The following MANBA variants were observed in gnomAD, a reference collection of about 807,000 sequenced individuals.
MANBA encodes beta-mannosidase.
MANBA carries 83 observed loss-of-function variants against 111.1 expected under a neutral mutation model. The ratio of observed to expected loss-of-function variants is 0.75; its 90% confidence interval spans 0.63 to 0.90. The LOEUF (loss-of-function observed/expected upper bound fraction) is 0.90, where lower values mean the gene tolerates loss of function less well. MANBA is among the 40% of genes least tolerant of loss of function. The probability of loss-of-function intolerance (pLI) is 0.00; values close to 1 mark genes in which losing one functional copy is unlikely to be tolerated. For synonymous variants in MANBA, 370 were observed against 378.7 expected (o/e 0.98, Z 0.27); for missense variants, 1,036 against 1,069.0 (o/e 0.97, Z 0.43).
intron 7 of MANBA, among the ~76,000 whole-genome samples, chr4:102,683,402 G>A (rs1019554019): frequency 2.0e-5 from 3 of 152,254 alleles, no homozygotes; most frequent in East Asian, 3.9e-4. Context: ...TTAGCAAAAC[G>A]ATACCTTATA....
intron 5 of MANBA, among the ~76,000 whole-genome samples, chr4:102,703,218 C>T (rs922789856): frequency 6.6e-6 from 1 of 152,182 alleles, no homozygotes; most frequent in Admixed American, 6.5e-5. Flanking sequence ...GCAGCCTTGA[C>T]CTCCCAGGCT....
chr4:102,687,009 C>T (rs1425317034), intron 7 of MANBA, among the ~76,000 whole-genome samples: 1 of 152,152 alleles, frequency 6.6e-6, no homozygotes, highest in African/African-American at 2.4e-5. Context: ...CAAAACACAT[C>T]TAACACTGAA....
At chr4:102,721,240 T>A (rs570495724) in intron 4 of MANBA, among the ~76,000 whole-genome samples, 1 of 152,094 alleles carries the variant, frequency 6.6e-6, no homozygotes, top group South Asian at 2.1e-4. Context: ...AAGAGAATTG[T>A]TTTAACACGG....
intron 9 of MANBA, among the ~76,000 whole-genome samples, chr4:102,669,735 T>C (rs1376337223): frequency 6.6e-6 from 1 of 151,966 alleles, no homozygotes; most frequent in Admixed American, 6.6e-5. Context: ...AATCCCAGAA[T>C]TTTGGGAGGC....
chr4:102,636,703 C>A (rs1290086837), intron 14 of MANBA, among the ~76,000 whole-genome samples: 1 of 152,162 alleles, frequency 6.6e-6, no homozygotes, highest in East Asian at 1.9e-4. Flanking sequence ...CCCGGATAAC[C>A]TTTTTGTCTA....
intron 1 of MANBA, among the ~76,000 whole-genome samples, chr4:102,745,008 G>T (rs778905345): frequency 5.3e-5 from 8 of 152,054 alleles, no homozygotes; most frequent in Admixed American, 1.3e-4. Context: ...ATGACCACAG[G>T]GTGGGTCCCT....
chr4:102,727,467 C>T, intron 1 of MANBA: 1 of 1,494,172 alleles, frequency 6.7e-7, no homozygotes, highest in Non-Finnish European at 9.3e-7. Context: ...ACTCCATCTT[C>T]AAGGTCCAGA....
Position 102,760,703 on chromosome 4 carries a change from G to T in MANBA, c.177+15C>A. 1 of 1,517,228 alleles carries T rather than the reference G, an allele frequency of 6.6e-7. No individual in the cohort carries two copies. The highest frequency in any genetic ancestry group is 1.2e-5 in the South Asian group (1 of 82,652). The allele number at this position is 1,517,228 out of a possible 1,614,324, so 94.0% of individuals were successfully genotyped here. ...GGCGGGCGCAGGCTCGCCGCGGGTC[G>T]GCCGCACGCCATACCTGGATCAGGC... On this transcript the variant is annotated intron_variant, in intron 1 of 16. Coordinates refer to ENST00000647097, the MANE Select transcript of MANBA (RefSeq NM_005908.4).
intron 11 of MANBA, among the ~76,000 whole-genome samples, chr4:102,664,132 T>C (rs554706961): frequency 6.6e-6 from 1 of 152,282 alleles, no homozygotes; most frequent in South Asian, 2.1e-4. Flanking sequence ...CCAAGGAGCA[T>C]GTGACAACCT....
chr4:102,704,110 A>G (rs1733189583), intron 5 of MANBA, among the ~76,000 whole-genome samples: 1 of 152,004 alleles, frequency 6.6e-6, no homozygotes, highest in African/African-American at 2.4e-5. Context: ...AAAAAAACCA[A>G]AAAATTTGAT....
intron 12 of MANBA, among the ~76,000 whole-genome samples, chr4:102,653,336 T>A (rs1354957549): frequency 6.6e-6 from 1 of 152,066 alleles, no homozygotes; most frequent in African/African-American, 2.4e-5. Flanking sequence ...AAATAATCTG[T>A]CCAAGATGAT....
chr4:102,697,565 T>A (rs1356650026), intron 5 of MANBA, among the ~76,000 whole-genome samples: 8 of 138,082 alleles, frequency 5.8e-5, no homozygotes, highest in Non-Finnish European at 1.1e-4. Flanking sequence ...TGTCCATGTG[T>A]TCTCATTGTT....
intron 11 of MANBA, chr4:102,662,654 T>A (rs1277781766): frequency 1.3e-5 from 2 of 158,726 alleles, no homozygotes; most frequent in Admixed American, 6.1e-5. Flanking sequence ...TGATATTCTC[T>A]AGGCCTTTTA....
chr4:102,680,095 A>G (rs551010119), intron 7 of MANBA, among the ~76,000 whole-genome samples: 1 of 152,316 alleles, frequency 6.6e-6, no homozygotes, highest in Admixed American at 6.5e-5. Context: ...TTCTCTGAGC[A>G]ATGGAAAACC....
intron 5 of MANBA, among the ~76,000 whole-genome samples, chr4:102,691,222 TAATC>T (rs1732460369): frequency 6.6e-6 from 1 of 152,072 alleles, no homozygotes; most frequent in Admixed American, 6.5e-5. Context: ...GTATTAAAAT[TAATC>T]AAATGTGAAA....
chr4:102,739,009 T>C (rs1723312879), intron 1 of MANBA, among the ~76,000 whole-genome samples: 1 of 151,096 alleles, frequency 6.6e-6, no homozygotes, highest in Non-Finnish European at 1.5e-5. Flanking sequence ...AAAAGATAAA[T>C]GAAACAAAAA....
At chr4:102,697,665 T>C (rs569899786) in intron 5 of MANBA, among the ~76,000 whole-genome samples, 4,008 of 149,828 alleles carry the variant, frequency 0.027, 119 homozygotes, top group African/African-American at 0.075. Flanking sequence ...ATTTCATCCA[T>C]GTCCCTACAA....
At chr4:102,743,702 A>G (rs1043903173) in intron 1 of MANBA, among the ~76,000 whole-genome samples, 1 of 152,172 alleles carries the variant, frequency 6.6e-6, no homozygotes, top group African/African-American at 2.4e-5. Context: ...TGCTGTACAC[A>G]ACCTACTTTA....
At position 102,725,487 on chromosome 4, in the gene MANBA, C is replaced by T. The variant is rs112273196; in HGVS notation, c.272+1102G>A. Among the ~76,000 whole-genome samples the T allele has an allele frequency of 7.8e-3, 1,189 of 152,098 alleles. 8 individuals carry two copies. The highest frequency in any genetic ancestry group is 0.024 in the Middle Eastern group (7 of 294). On this transcript the variant is annotated intron_variant, in intron 2 of 16. Transcript: ENST00000647097. ...GACAAATCCAAGGGGCAGAGAGGTG[C>T]GGGCAGTGTTACAGGGACAGACATC...
Sources: allele counts gnomAD v4.1 joint callset (sites outside exome capture counted in the v4.1 genomes callset), GRCh38; gene constraint gnomAD v4.1.1; transcripts MANE v1.5; gene names NCBI Gene and HGNC (gene_info 2026-07-23, HGNC 2026-07-21).